Variants in METTL24 observed in about 807,000 individuals in gnomAD.
METTL24 encodes the protein probable methyltransferase-like protein 24.
METTL24 carries 29 observed loss-of-function variants against 32.7 expected under a neutral mutation model. The ratio of observed to expected loss-of-function variants is 0.89; its 90% CI spans 0.66 to 1.21. The LOEUF is 1.21. Among genes scored for constraint, METTL24 ranks in the 50% most tolerant of loss-of-function variants. The pLI is 0.00. For synonymous variants in METTL24, 163 were observed against 179.5 expected, an observed-to-expected ratio of 0.91 and a Z score of 0.73; for missense variants, 439 against 468.1, an observed-to-expected ratio of 0.94 and a Z score of 0.57.
intron 4 of METTL24, among the ~76,000 whole-genome samples, chr6:110,256,864 A>G (rs1778394613): frequency 6.6e-6 from 1 of 152,074 alleles, no homozygotes; most frequent in East Asian, 1.9e-4. Flanking sequence ...CCATTTCTCT[A>G]TTCATGTCAC....
chr6:110,245,325 C>T lies in METTL24; in HGVS notation c.*621G>A, dbSNP rs1778133610. 6.6e-6 allele frequency among the ~76,000 whole-genome samples: 1 copy of T among 152,152 alleles called. No homozygotes were observed. Among genetic ancestry groups the T allele is most frequent in the Non-Finnish European group, 1.5e-5 (1 of 68,042 alleles). On this transcript the variant is annotated 3_prime_UTR_variant, in exon 5 of 5. Coordinates refer to ENST00000338882, the MANE Select transcript of METTL24 (RefSeq NM_001123364.3). ...CTTCAGACTTGGTCTCGAACTGGAACTTACACCTTCGTGTTGAAGCTCTTG... is the reference window on the plus strand; with the variant it reads ...CTTCAGACTTGGTCTCGAACTGGAATTTACACCTTCGTGTTGAAGCTCTTG...
At chr6:110,265,259 C>G (rs1041566349) in intron 4 of METTL24, among the ~76,000 whole-genome samples, 6 of 152,176 alleles carry the variant, frequency 3.9e-5, no homozygotes, top group African/African-American at 1.4e-4. Context: ...AAAAGCACAA[C>G]TGGTGTTTTC....
intron 2 of METTL24, among the ~76,000 whole-genome samples, chr6:110,316,878 C>T (rs531429765): frequency 9.9e-5 from 15 of 151,876 alleles, no homozygotes; most frequent in Non-Finnish European, 2.1e-4. Flanking sequence ...CAGAGCAAGA[C>T]CAGACCCTGT....
intron 1 of METTL24, among the ~76,000 whole-genome samples, chr6:110,324,685 T>C (rs755172667): frequency 1.4e-4 from 21 of 152,230 alleles, no homozygotes; most frequent in Non-Finnish European, 2.5e-4. Flanking sequence ...TCTTGTTCTG[T>C]GCAGGCTGAG....
At chr6:110,262,754 C>T (rs111460283) in intron 4 of METTL24, among the ~76,000 whole-genome samples, 1 of 152,176 alleles carries the variant, frequency 6.6e-6, no homozygotes, top group Admixed American at 6.5e-5. Context: ...AGCAGCATAT[C>T]AAAAAGCTTA....
intron 4 of METTL24, among the ~76,000 whole-genome samples, chr6:110,257,198 T>C (rs1778401066): frequency 6.6e-6 from 1 of 151,628 alleles, no homozygotes; most frequent in Non-Finnish European, 1.5e-5. Context: ...ATATGTTTTC[T>C]AGTTAAATGA....
chr6:110,285,527 C>T (rs923940285), intron 4 of METTL24, among the ~76,000 whole-genome samples: 3 of 152,212 alleles, frequency 2.0e-5, no homozygotes, highest in East Asian at 1.9e-4. Context: ...AAATGGCCAG[C>T]ATGGGTGTGA....
intron 1 of METTL24, among the ~76,000 whole-genome samples, chr6:110,331,695 C>T (rs1772113443): frequency 6.8e-6 from 1 of 146,774 alleles, no homozygotes; most frequent in African/African-American, 2.5e-5. Context: ...GAAAGAATGA[C>T]TGAAAGACCC....
chr6:110,313,316 C>T (rs1003457919), intron 3 of METTL24, among the ~76,000 whole-genome samples: 17 of 152,190 alleles, frequency 1.1e-4, no homozygotes, highest in African/African-American at 3.9e-4. Flanking sequence ...GCATGCTACG[C>T]ATGTAACAAA....
intron 3 of METTL24, among the ~76,000 whole-genome samples, chr6:110,309,871 C>A (rs55983905): frequency 0.19 from 28,231 of 148,500 alleles, 3,964 homozygotes; most frequent in African/African-American, 0.4. Flanking sequence ...GCAAAAAAAA[C>A]AAAACAAAAC....
intron 4 of METTL24, among the ~76,000 whole-genome samples, chr6:110,258,589 G>A (rs1778428567): frequency 6.6e-6 from 1 of 152,090 alleles, no homozygotes; most frequent in African/African-American, 2.4e-5. Context: ...TGGATGGGTG[G>A]ATAGGTGGAT....
intron 3 of METTL24, among the ~76,000 whole-genome samples, chr6:110,305,629 C>T: frequency 6.6e-6 from 1 of 151,802 alleles, no homozygotes; most frequent in East Asian, 1.9e-4. Flanking sequence ...CAATGAGATG[C>T]CATCTCATGC....
chr6:110,295,879 C>G (rs1771408696), intron 4 of METTL24, among the ~76,000 whole-genome samples: 1 of 150,922 alleles, frequency 6.6e-6, no homozygotes, highest in Non-Finnish European at 1.5e-5. Context: ...TAATAAAAAC[C>G]CTTTGAGTTT....
chr6:110,277,926 G>A (rs1349912972), intron 4 of METTL24, among the ~76,000 whole-genome samples: 2 of 152,106 alleles, frequency 1.3e-5, no homozygotes, highest in South Asian at 2.1e-4. Flanking sequence ...TGTGTAAGAA[G>A]CAAAAAGAAG....
rs534874163 is a variant in METTL24 at position 110,318,350 on chromosome 6, A to G, written c.418-2869T>C. Among the ~76,000 whole-genome samples, 44 of 152,300 alleles carry G rather than the reference A, an allele frequency of 2.9e-4. No individual in the cohort carries two copies. The East Asian group carries it at 6.8e-3, about 23-fold the overall frequency. On this transcript the variant is annotated intron_variant, in intron 2 of 4. Coordinates refer to ENST00000338882, the MANE Select transcript of METTL24 (RefSeq NM_001123364.3). ...AGGTCCCCTCTTCCTTTCTTAGCTC[A>G]GAAATAAAACACAAGGGCCGGGCGT... is the stretch of plus-strand genomic sequence containing the variant.
At chr6:110,314,696 T>C (rs1177028388) in intron 3 of METTL24, among the ~76,000 whole-genome samples, 2 of 152,218 alleles carry the variant, frequency 1.3e-5, no homozygotes, top group Non-Finnish European at 2.9e-5. Context: ...GTGCAGTGGC[T>C]CACACCTGTA....
chr6:110,299,141 A>G lies in METTL24; in HGVS notation c.567T>C (p.Ser189=). The G allele has an allele frequency of 6.2e-7, 1 of 1,613,634 alleles. No individual in the cohort carries two copies. The highest frequency in any genetic ancestry group is 1.7e-5 in the Admixed American group (1 of 60,024). Residue 189 remains serine (S), a synonymous_variant, in exon 4 of 5, where the codon AGT becomes AGC. Transcript: ENST00000338882. Reference sequence around the variant, plus strand: ...TGCTAACCTCAAAATGGGTATCATCACTTCCTAGCCTATAAAGAAAGAGGA... The same window carrying G: ...TGCTAACCTCAAAATGGGTATCATCGCTTCCTAGCCTATAAAGAAAGAGGA... ...QCRLYSLGLG[S]DDTHFEVSMA...
intron 1 of METTL24, among the ~76,000 whole-genome samples, chr6:110,342,684 C>A (rs1220968426): frequency 6.6e-6 from 1 of 152,158 alleles, no homozygotes; most frequent in Non-Finnish European, 1.5e-5. Context: ...AAAAGAAACT[C>A]CTTTCCTAGT....
At chr6:110,342,706 C>T (rs1772383745) in intron 1 of METTL24, among the ~76,000 whole-genome samples, 1 of 152,194 alleles carries the variant, frequency 6.6e-6, no homozygotes, top group South Asian at 2.1e-4. Flanking sequence ...GCAGTTGCTT[C>T]CCATTCCCCT....
Sources: gnomAD v4.1 joint callset for allele counts (sites outside exome capture counted in the v4.1 genomes callset) on GRCh38, gnomAD v4.1.1 for gene constraint, MANE v1.5 for transcripts, NCBI Gene and HGNC (gene_info 2026-07-23, HGNC 2026-07-21) for gene names.